The following TBC1D32 variants were observed in gnomAD, a reference collection of about 807,000 sequenced individuals.
TBC1D32 encodes the protein protein broad-minded.
Under a neutral mutation model 170.3 loss-of-function variants are expected in TBC1D32, and 151 were observed. The observed-to-expected ratio is 0.89, with a 90% CI of 0.78 to 1.01. The LOEUF (loss-of-function observed/expected upper bound fraction) is 1.01. TBC1D32 is among the 50% of genes least tolerant of loss of function. The probability of loss-of-function intolerance (pLI) is 0.00; values close to 1 mark genes in which losing one functional copy is unlikely to be tolerated. For missense variants in TBC1D32, 1,464 were observed against 1,457.1 expected, an observed-to-expected ratio of 1.00 and a Z score of -0.08; for synonymous variants, 498 against 488.0, an observed-to-expected ratio of 1.02 and a Z score of -0.27.
chr6:121,179,199 TAC>T (rs1440166149), intron 22 of TBC1D32, among the ~76,000 whole-genome samples: 1 of 151,548 alleles, frequency 6.6e-6, no homozygotes, highest in Admixed American at 6.6e-5. Flanking sequence ...TACATATATA[TAC>T]ACACACACAC....
intron 31 of TBC1D32, among the ~76,000 whole-genome samples, chr6:121,083,527 G>A (rs1020772989): frequency 2.0e-5 from 3 of 151,910 alleles, no homozygotes; most frequent in Non-Finnish European, 1.5e-5. Flanking sequence ...TGGTATATAC[G>A]TAGTTTCCCT....
In TBC1D32 at chr6:121,308,112, T is replaced by C. The variant is rs1807608257; in HGVS notation, c.565-11A>G. ...GGCTTCATATCTCACCTACAATTTTTTTAAAAGACTTTTATTAACACTCAG... is the reference window on the plus strand; with the variant it reads ...GGCTTCATATCTCACCTACAATTTTCTTAAAAGACTTTTATTAACACTCAG... On this transcript the variant is annotated splice_polypyrimidine_tract_variant and intron_variant, in intron 4 of 31. Transcript: ENST00000398212. The C allele has an allele frequency of 6.2e-7, 1 of 1,606,814 alleles. No individual in the cohort carries two copies. Among genetic ancestry groups the C allele is most frequent in the Non-Finnish European group, 8.5e-7 (1 of 1,178,138 alleles).
chr6:121,310,509 G>A (rs898172570), intron 4 of TBC1D32, among the ~76,000 whole-genome samples: 3 of 152,100 alleles, frequency 2.0e-5, no homozygotes, highest in African/African-American at 7.2e-5. Flanking sequence ...ACAGTTTGGG[G>A]GACAACTGCC....
intron 22 of TBC1D32, among the ~76,000 whole-genome samples, chr6:121,183,335 C>A (rs918830034): frequency 6.6e-6 from 1 of 152,044 alleles, no homozygotes; most frequent in Admixed American, 6.6e-5. Context: ...AAGTCTAGTA[C>A]CCTTGAGGAT....
In TBC1D32 at chr6:121,107,246, G is replaced by C. The variant is rs533272887; in HGVS notation, c.3325-1083C>G. Among the ~76,000 whole-genome samples, 6 of 151,988 alleles carry C rather than the reference G, an allele frequency of 3.9e-5. No homozygotes were observed. The East Asian group carries it at 1.2e-3, about 29-fold the overall frequency. ...ATTTATGTAAAGCCTTATTGCTAATGCTAGGATGCTTTTAAGAATTTAGGT... is the reference window on the plus strand; with the variant it reads ...ATTTATGTAAAGCCTTATTGCTAATCCTAGGATGCTTTTAAGAATTTAGGT... On this transcript the variant is annotated intron_variant, in intron 29 of 31. Transcript: ENST00000398212.
At chr6:121,321,510 T>C (rs1032312478) in intron 2 of TBC1D32, 123 bp downstream of exon 2, 2 of 924,742 alleles carry the variant, frequency 2.2e-6, no homozygotes, top group South Asian at 2.1e-5. Context: ...ATCTGACTCA[T>C]TGTTTTAAAG....
chr6:121,082,519 C>A (rs1014441446), intron 31 of TBC1D32, among the ~76,000 whole-genome samples: 4 of 151,808 alleles, frequency 2.6e-5, no homozygotes, highest in African/African-American at 9.7e-5. Context: ...TTATTCTAAC[C>A]AGAGACTAAA....
chr6:121,162,591 CAGAA>C (rs1340055684), intron 22 of TBC1D32, among the ~76,000 whole-genome samples: 6 of 152,078 alleles, frequency 3.9e-5, no homozygotes, highest in Non-Finnish European at 7.4e-5. Context: ...TGCATTCAAA[CAGAA>C]AGAGAGGAAG....
At chr6:121,259,092 G>C (rs1345192757) in intron 15 of TBC1D32, among the ~76,000 whole-genome samples, 3 of 152,066 alleles carry the variant, frequency 2.0e-5, no homozygotes, top group Non-Finnish European at 4.4e-5. Flanking sequence ...GAGGTCAGGA[G>C]TTCGAGACCA....
intron 15 of TBC1D32, among the ~76,000 whole-genome samples, chr6:121,272,359 C>T (rs1173898114): frequency 1.3e-5 from 2 of 152,096 alleles, no homozygotes; most frequent in Non-Finnish European, 2.9e-5. Context: ...ATCTATCCAT[C>T]TGACAAAGGG....
At chr6:121,113,021 GAAAA>G (rs1240614504) in intron 28 of TBC1D32, 37 bp downstream of exon 28, 1 of 1,446,006 alleles carries the variant, frequency 6.9e-7, no homozygotes, top group African/African-American at 1.4e-5. Flanking sequence ...AAAAATATGT[GAAAA>G]AAATTAAGCT....
chr6:121,087,912 G>T (rs191666720), intron 31 of TBC1D32, among the ~76,000 whole-genome samples: 1 of 150,990 alleles, frequency 6.6e-6, no homozygotes, highest in East Asian at 2.0e-4. Context: ...ATCTATACAA[G>T]AATATTATTA....
At chr6:121,266,898 C>A (rs1800569809) in intron 15 of TBC1D32, among the ~76,000 whole-genome samples, 1 of 151,764 alleles carries the variant, frequency 6.6e-6, no homozygotes, top group Non-Finnish European at 1.5e-5. Flanking sequence ...ACAACACACA[C>A]CAGGGCCTGT....
At chr6:121,287,531 T>C (rs1047693266) in intron 12 of TBC1D32, among the ~76,000 whole-genome samples, 3 of 152,102 alleles carry the variant, frequency 2.0e-5, no homozygotes, top group Non-Finnish European at 4.4e-5. Context: ...CAAAGAGACT[T>C]ACACTCCCAC....
At chr6:121,096,982 CT>C (rs1353290186) in intron 30 of TBC1D32, among the ~76,000 whole-genome samples, 3 of 152,126 alleles carry the variant, frequency 2.0e-5, no homozygotes, top group Non-Finnish European at 4.4e-5. Flanking sequence ...GCTGGGAAAA[CT>C]GGCTAGCCAT....
chr6:121,332,831 T>C (rs1296511139), intron 1 of TBC1D32, among the ~76,000 whole-genome samples: 1 of 152,098 alleles, frequency 6.6e-6, no homozygotes, highest in Non-Finnish European at 1.5e-5. Flanking sequence ...TATCATCTAA[T>C]AACAGGTATT....
intron 15 of TBC1D32, among the ~76,000 whole-genome samples, chr6:121,271,916 C>T (rs1801495921): frequency 6.6e-6 from 1 of 152,084 alleles, no homozygotes; most frequent in African/African-American, 2.4e-5. Flanking sequence ...GAGATATAGA[C>T]CCATGGAACA....
chr6:121,098,490 TG>T (rs1180098484), intron 30 of TBC1D32, among the ~76,000 whole-genome samples: 1 of 151,946 alleles, frequency 6.6e-6, no homozygotes, highest in African/African-American at 2.4e-5. Flanking sequence ...TTTCTCCATG[TG>T]TCACACAATA....
chr6:121,098,527 G>A (rs1347372929), intron 30 of TBC1D32, among the ~76,000 whole-genome samples: 1 of 151,874 alleles, frequency 6.6e-6, no homozygotes, highest in Admixed American at 6.6e-5. Context: ...AATGAAAAAA[G>A]AACCACTCTT....
Sources: gnomAD v4.1 joint callset for allele counts (sites outside exome capture counted in the v4.1 genomes callset) on GRCh38, gnomAD v4.1.1 for gene constraint, MANE v1.5 for transcripts, NCBI Gene and HGNC (gene_info 2026-07-23, HGNC 2026-07-21) for gene names.